MARCHF11: variants seen among roughly 807,000 people sequenced by gnomAD.
MARCHF11 encodes membrane associated ring-CH-type finger 11, also known as E3 ubiquitin-protein ligase MARCHF11.
MARCHF11 carries 29 observed loss-of-function variants against 37.3 expected under a neutral mutation model. That is an observed-to-expected ratio of 0.78 (90% CI 0.58 to 1.06). The LOEUF (loss-of-function observed/expected upper bound fraction) is 1.06, where lower values mean the gene tolerates loss of function less well. MARCHF11 is among the 50% of genes least tolerant of loss of function. The pLI is 0.00. For missense variants in MARCHF11, 482 were observed against 533.4 expected, an observed-to-expected ratio of 0.90 and a Z score of 0.95; for synonymous variants, 233 against 228.0, an observed-to-expected ratio of 1.02 and a Z score of -0.20.
chr5:16,078,446 A>T (rs1289616998), intron 3 of MARCHF11, among the ~76,000 whole-genome samples: 1 of 152,042 alleles, frequency 6.6e-6, no homozygotes, highest in Non-Finnish European at 1.5e-5. Flanking sequence ...GGCTGAAAAC[A>T]TCTATGGGCT....
At chr5:16,174,613 A>G (rs1450821623) in intron 2 of MARCHF11, among the ~76,000 whole-genome samples, 1 of 152,200 alleles carries the variant, frequency 6.6e-6, no homozygotes, top group Non-Finnish European at 1.5e-5. Flanking sequence ...GAAATACAAC[A>G]CGGTAATACT....
chr5:16,153,209 T>C (rs1368233824), intron 2 of MARCHF11, among the ~76,000 whole-genome samples: 1 of 151,980 alleles, frequency 6.6e-6, no homozygotes, highest in Non-Finnish European at 1.5e-5. Flanking sequence ...TGGCTTGGAT[T>C]AGACATGAAA....
intron 2 of MARCHF11, among the ~76,000 whole-genome samples, chr5:16,130,973 G>A (rs1010130086): frequency 6.6e-6 from 1 of 152,126 alleles, no homozygotes; most frequent in African/African-American, 2.4e-5. Context: ...TTCATTTTAA[G>A]TTGATAAGAT....
intron 2 of MARCHF11, among the ~76,000 whole-genome samples, chr5:16,092,062 A>G (rs1274538499): frequency 6.6e-6 from 1 of 152,188 alleles, no homozygotes; most frequent in Non-Finnish European, 1.5e-5. Context: ...CTTTAAAAAA[A>G]TGAGCTTAAG....
chr5:16,153,501 C>T (rs1004640677), intron 2 of MARCHF11, among the ~76,000 whole-genome samples: 1 of 151,974 alleles, frequency 6.6e-6, no homozygotes, highest in Admixed American at 6.6e-5. Flanking sequence ...AAAGAAACAG[C>T]ATGTTCAGTG....
chr5:16,135,400 T>C (rs1247684969), intron 2 of MARCHF11, among the ~76,000 whole-genome samples: 1 of 151,990 alleles, frequency 6.6e-6, no homozygotes, highest in Non-Finnish European at 1.5e-5. Context: ...GAAACCAAAA[T>C]TGAAGAATTA....
At chr5:16,083,270 C>A (rs867680515) in intron 3 of MARCHF11, among the ~76,000 whole-genome samples, 2 of 152,224 alleles carry the variant, frequency 1.3e-5, no homozygotes, top group South Asian at 4.1e-4. Context: ...TCTTGGCTCT[C>A]CACAGGGAGA....
At chr5:16,119,165 C>T (rs1737269849) in intron 2 of MARCHF11, among the ~76,000 whole-genome samples, 1 of 151,950 alleles carries the variant, frequency 6.6e-6, no homozygotes, top group South Asian at 2.1e-4. Flanking sequence ...GAGTTTGAGA[C>T]CAGCCTGGCC....
chr5:16,111,932 G>A (rs775143692), intron 2 of MARCHF11, among the ~76,000 whole-genome samples: 2 of 152,194 alleles, frequency 1.3e-5, no homozygotes, highest in Non-Finnish European at 2.9e-5. Flanking sequence ...TGGCTTCAGA[G>A]GGTGCAAGCC....
At chr5:16,073,976 C>G (rs909085444) in intron 3 of MARCHF11, among the ~76,000 whole-genome samples, 10 of 152,116 alleles carry the variant, frequency 6.6e-5, no homozygotes, top group South Asian at 2.1e-4. Flanking sequence ...GAAACATTCT[C>G]CAAGATAGAC....
chr5:16,100,849 G>A (rs1736944004), intron 2 of MARCHF11, among the ~76,000 whole-genome samples: 2 of 152,134 alleles, frequency 1.3e-5, no homozygotes, highest in African/African-American at 4.8e-5. Context: ...CAACTATTTG[G>A]ACTGACTAGC....
At chr5:16,150,475 A>G (rs1235828711) in intron 2 of MARCHF11, among the ~76,000 whole-genome samples, 1 of 149,606 alleles carries the variant, frequency 6.7e-6, no homozygotes, top group Non-Finnish European at 1.5e-5. Flanking sequence ...AGAGCCCTGC[A>G]TTGTCTCTGT....
At chr5:16,151,699 C>T (rs1360028727) in intron 2 of MARCHF11, among the ~76,000 whole-genome samples, 1 of 117,542 alleles carries the variant, frequency 8.5e-6, no homozygotes, top group African/African-American at 3.1e-5. Flanking sequence ...GTGTCTGGAA[C>T]TATTGAAAGC....
intron 2 of MARCHF11, among the ~76,000 whole-genome samples, chr5:16,145,233 A>C (rs1382829727): frequency 1.3e-5 from 2 of 152,190 alleles, no homozygotes; most frequent in African/African-American, 4.8e-5. Flanking sequence ...TGTGTCCCCC[A>C]AAATTCATGT....
chr5:16,114,483 T>A (rs957955665), intron 2 of MARCHF11, among the ~76,000 whole-genome samples: 2 of 152,160 alleles, frequency 1.3e-5, no homozygotes, highest in Admixed American at 6.5e-5. Flanking sequence ...TGCCAACATG[T>A]CCTAAATGTT....
chr5:16,172,885 A>G (rs1418814826), intron 2 of MARCHF11, among the ~76,000 whole-genome samples: 5 of 152,184 alleles, frequency 3.3e-5, no homozygotes, highest in Non-Finnish European at 5.9e-5. Flanking sequence ...CCCACCTGCT[A>G]TCTAATTCCC....
intron 2 of MARCHF11, among the ~76,000 whole-genome samples, chr5:16,102,977 T>C (rs756271788): frequency 6.6e-6 from 1 of 152,184 alleles, no homozygotes; most frequent in Non-Finnish European, 1.5e-5. Context: ...ACACCACCGA[T>C]GTAAAAATAC....
At chr5:16,099,425 A>G (rs1736920040) in intron 2 of MARCHF11, among the ~76,000 whole-genome samples, 1 of 152,202 alleles carries the variant, frequency 6.6e-6, no homozygotes, top group East Asian at 1.9e-4. Flanking sequence ...TTGATTTTTC[A>G]CTGATGTAAT....
At chr5:16,147,821 A>G (rs530596387) in intron 2 of MARCHF11, among the ~76,000 whole-genome samples, 3 of 152,256 alleles carry the variant, frequency 2.0e-5, no homozygotes, top group African/African-American at 7.2e-5. Context: ...TTGCCTAAGT[A>G]CTACTAGAAA....
Sources: gnomAD v4.1 joint callset for allele counts (sites outside exome capture counted in the v4.1 genomes callset) on GRCh38, gnomAD v4.1.1 for gene constraint, MANE v1.5 for transcripts, NCBI Gene and HGNC (gene_info 2026-07-23, HGNC 2026-07-21) for gene names.